Variants in GRIN2B observed in about 807,000 individuals in gnomAD.
GRIN2B encodes the protein glutamate ionotropic receptor NMDA type subunit 2B, also known as glutamate receptor ionotropic, NMDA 2B.
A neutral mutation model predicts 114.5 loss-of-function variants in GRIN2B; 5 were observed. The ratio of observed to expected loss-of-function variants is 0.04; its 90% CI spans 0.02 to 0.09. The LOEUF (loss-of-function observed/expected upper bound fraction) is 0.09. GRIN2B is among the 10% of genes least tolerant of loss of function. The pLI, the probability that GRIN2B is intolerant of heterozygous loss-of-function variation, is 1.00. For synonymous variants in GRIN2B, 787 were observed against 745.1 expected, an observed-to-expected ratio of 1.06 and a Z score of -0.92; for missense variants, 1,108 against 1,943.5, an observed-to-expected ratio of 0.57 and a Z score of 8.08.
intron 3 of GRIN2B, among the ~76,000 whole-genome samples, chr12:13,860,066 T>C (rs924402250): frequency 2.0e-5 from 3 of 152,146 alleles, no homozygotes; most frequent in African/African-American, 4.8e-5. Context: ...CAAGATTATG[T>C]TGGATATGCA....
intron 2 of GRIN2B, among the ~76,000 whole-genome samples, chr12:13,936,675 T>C (rs1867134946): frequency 6.6e-6 from 1 of 152,118 alleles, no homozygotes; most frequent in Admixed American, 6.5e-5. Context: ...CATTTATACA[T>C]ACAAAGAAAA....
In GRIN2B at chr12:13,637,756, G is replaced by C. The variant is rs188717090; in HGVS notation, c.1126-21099C>G. On this transcript the variant is annotated intron_variant, in intron 5 of 13. Transcript: ENST00000609686. ...GGACACTATACCCTTAGAATATAGA[G>C]AGAAACTGCATCTATTAAGAAACTT... Among the ~76,000 whole-genome samples the C allele has an allele frequency of 2.1e-3, 323 of 152,260 alleles. 2 individuals carry two copies. The highest frequency in any genetic ancestry group is 7.4e-3 in the African/African-American group (307 of 41,556).
intron 2 of GRIN2B, among the ~76,000 whole-genome samples, chr12:13,877,573 C>T (rs1178163301): frequency 2.0e-5 from 3 of 152,100 alleles, no homozygotes; most frequent in Non-Finnish European, 4.4e-5. Flanking sequence ...CTCCTTTCTC[C>T]CAAATTATAG....
chr12:13,899,123 T>C (rs1010852791), intron 2 of GRIN2B, among the ~76,000 whole-genome samples: 9 of 152,172 alleles, frequency 5.9e-5, no homozygotes, highest in Admixed American at 1.3e-4. Flanking sequence ...AACCTAACAC[T>C]GTCTTACACA....
intron 10 of GRIN2B, among the ~76,000 whole-genome samples, chr12:13,596,024 T>C (rs1268599352): frequency 1.3e-5 from 2 of 151,238 alleles, no homozygotes; most frequent in African/African-American, 4.9e-5. Flanking sequence ...ATTTTTTTTC[T>C]GTAAGAAAAA....
Position 13,663,110 on chromosome 12 carries a change from C to T in GRIN2B, c.1125+12635G>A, listed in dbSNP as rs116320318. Among the ~76,000 whole-genome samples, 278 of 152,218 alleles carry T rather than the reference C, an allele frequency of 1.8e-3. 3 individuals are homozygous for T. The highest frequency in any genetic ancestry group is 6.4e-3 in the African/African-American group (267 of 41,532). Reference sequence around the variant, plus strand: ...TAATGCTGTTGGTCCAGGGGCCACACTTTGAGAACCTCTGATGTAAACTGT... The same window carrying T: ...TAATGCTGTTGGTCCAGGGGCCACATTTTGAGAACCTCTGATGTAAACTGT... On this transcript the variant is annotated intron_variant, in intron 5 of 13. Coordinates refer to ENST00000609686, the MANE Select transcript of GRIN2B (RefSeq NM_000834.5).
intron 2 of GRIN2B, among the ~76,000 whole-genome samples, chr12:13,929,292 T>G (rs1264872606): frequency 6.6e-6 from 1 of 152,146 alleles, no homozygotes; most frequent in Non-Finnish European, 1.5e-5. Context: ...AGTTCTAACT[T>G]GCATAGATTC....
At chr12:13,723,215 G>T (rs893364315) in intron 4 of GRIN2B, among the ~76,000 whole-genome samples, 1 of 151,552 alleles carries the variant, frequency 6.6e-6, no homozygotes, top group East Asian at 1.9e-4. Flanking sequence ...AGGTATACAC[G>T]TGCCATGGTG....
intron 3 of GRIN2B, among the ~76,000 whole-genome samples, chr12:13,843,647 G>A (rs985807003): frequency 2.6e-5 from 4 of 152,092 alleles, no homozygotes; most frequent in African/African-American, 9.7e-5. Flanking sequence ...GACAATTTAG[G>A]GCTAGAAGCA....
intron 3 of GRIN2B, among the ~76,000 whole-genome samples, chr12:13,808,754 T>A (rs375451999): frequency 0.22 from 14,790 of 68,656 alleles, 1,144 homozygotes; most frequent in Non-Finnish European, 0.39. Flanking sequence ...AAAAAAAAAA[T>A]ATATATATAT....
chr12:13,942,588 G>A (rs536541080), intron 2 of GRIN2B, among the ~76,000 whole-genome samples: 11 of 152,146 alleles, frequency 7.2e-5, no homozygotes, highest in Non-Finnish European at 1.3e-4. Flanking sequence ...AAAATAAAAT[G>A]AGGCAAATTA....
chr12:13,641,072 C>CTTATTA (rs139395602), intron 5 of GRIN2B, among the ~76,000 whole-genome samples: 10,846 of 149,350 alleles, frequency 0.073, 644 homozygotes, highest in African/African-American at 0.16. Context: ...TTGTATCATG[C>CTTATTA]TTATTATTAT....
intron 3 of GRIN2B, among the ~76,000 whole-genome samples, chr12:13,825,790 T>C (rs1022550223): frequency 6.6e-6 from 1 of 151,988 alleles, no homozygotes; most frequent in Non-Finnish European, 1.5e-5. Context: ...GTGCTGGAAT[T>C]ACAGGCATGA....
intron 2 of GRIN2B, among the ~76,000 whole-genome samples, chr12:13,926,870 G>A (rs1206850810): frequency 1.3e-5 from 2 of 151,668 alleles, no homozygotes; most frequent in East Asian, 1.9e-4. Flanking sequence ...GGAGAATGGC[G>A]TGAACCCAGG....
intron 3 of GRIN2B, among the ~76,000 whole-genome samples, chr12:13,813,226 T>C (rs1038553746): frequency 1.3e-5 from 2 of 151,992 alleles, no homozygotes; most frequent in Non-Finnish European, 2.9e-5. Context: ...TGAGCCACCG[T>C]GCCCGGCCTG....
At chr12:13,958,798 A>G (rs1867640468) in intron 2 of GRIN2B, among the ~76,000 whole-genome samples, 1 of 151,946 alleles carries the variant, frequency 6.6e-6, no homozygotes, top group African/African-American at 2.4e-5. Context: ...CAATACAACC[A>G]CAAAAAGACG....
intron 3 of GRIN2B, among the ~76,000 whole-genome samples, chr12:13,829,657 C>T (rs1865112063): frequency 6.6e-6 from 1 of 152,220 alleles, no homozygotes; most frequent in African/African-American, 2.4e-5. Flanking sequence ...TTGGAATCCT[C>T]TTCAATGTCC....
chr12:13,701,522 A>G (rs1016245669), intron 4 of GRIN2B, among the ~76,000 whole-genome samples: 4 of 151,900 alleles, frequency 2.6e-5, no homozygotes, highest in Non-Finnish European at 4.4e-5. Context: ...ACAAAAAAAA[A>G]AAAAAAAGAA....
At chr12:13,772,394 C>A (rs1863922839) in intron 3 of GRIN2B, among the ~76,000 whole-genome samples, 1 of 152,196 alleles carries the variant, frequency 6.6e-6, no homozygotes, top group South Asian at 2.1e-4. Context: ...GTCTCATCTG[C>A]AGACTGGTTT....
Sources: gnomAD v4.1 joint callset for allele counts (sites outside exome capture counted in the v4.1 genomes callset) on GRCh38, gnomAD v4.1.1 for gene constraint, MANE v1.5 for transcripts, NCBI Gene and HGNC (gene_info 2026-07-23, HGNC 2026-07-21) for gene names.